Variants in SORCS1 observed in about 807,000 individuals in gnomAD.
SORCS1 encodes VPS10 domain-containing receptor SorCS1.
Under a neutral mutation model 146.1 loss-of-function variants are expected in SORCS1, and 60 were observed. The observed-to-expected ratio is 0.41, with a 90% CI of 0.33 to 0.51. The LOEUF (loss-of-function observed/expected upper bound fraction) is 0.51, where lower values mean the gene tolerates loss of function less well. SORCS1 is among the 20% of genes least tolerant of loss of function. The pLI is 0.21. For synonymous variants in SORCS1, 637 were observed against 584.0 expected, an observed-to-expected ratio of 1.09 and a Z score of -1.31; for missense variants, 1,352 against 1,487.6, an observed-to-expected ratio of 0.91 and a Z score of 1.50.
chr10:106,954,432 C>T (rs993893736), intron 2 of SORCS1, among the ~76,000 whole-genome samples: 2 of 152,130 alleles, frequency 1.3e-5, no homozygotes, highest in African/African-American at 4.8e-5. Context: ...AAAAATTATA[C>T]TTTTATTAAG....
At chr10:106,813,958 A>C (rs1359788260) in intron 3 of SORCS1, among the ~76,000 whole-genome samples, 1 of 152,220 alleles carries the variant, frequency 6.6e-6, no homozygotes, top group Non-Finnish European at 1.5e-5. Context: ...GTCTCAAAAC[A>C]AAAACAAAAG....
At chr10:106,989,328 T>C (rs1470946002) in intron 1 of SORCS1, among the ~76,000 whole-genome samples, 2 of 150,608 alleles carry the variant, frequency 1.3e-5, no homozygotes, top group Middle Eastern at 3.5e-3. Flanking sequence ...TAAAATTTCC[T>C]TCGAGGCTGT....
At position 106,618,137 on chromosome 10, in the gene SORCS1, A is replaced by G; in HGVS notation, c.2920+12T>C. On this transcript the variant is annotated intron_variant, in intron 21 of 25. Transcript: ENST00000263054. ...TGAAGACAGCAGTAGATCCACTGAG[A>G]TGGGCACTCACCATATACTGCGATG... 6.2e-7 allele frequency: 1 copy of G among 1,613,848 alleles called. No homozygotes were observed. The highest frequency in any genetic ancestry group is 8.5e-7 in the Non-Finnish European group (1 of 1,179,830).
chr10:107,055,579 G>C (rs1474225146), intron 1 of SORCS1, among the ~76,000 whole-genome samples: 1 of 152,234 alleles, frequency 6.6e-6, no homozygotes, highest in Admixed American at 6.5e-5. Context: ...GTGCTCTGCA[G>C]GATTTGAGCA....
intron 2 of SORCS1, among the ~76,000 whole-genome samples, chr10:106,935,254 T>C (rs1953652767): frequency 6.6e-6 from 1 of 152,160 alleles, no homozygotes; most frequent in South Asian, 2.1e-4. Flanking sequence ...GCCTAGAGGG[T>C]CCTTAAAATA....
intron 1 of SORCS1, among the ~76,000 whole-genome samples, chr10:107,059,206 A>C (rs1184773213): frequency 1.3e-5 from 2 of 152,204 alleles, no homozygotes; most frequent in East Asian, 3.8e-4. Flanking sequence ...CAGGCCAGCC[A>C]ACAAGCTCAA....
intron 1 of SORCS1, among the ~76,000 whole-genome samples, chr10:107,052,795 T>C (rs962307751): frequency 2.0e-5 from 3 of 152,098 alleles, no homozygotes; most frequent in African/African-American, 7.2e-5. Flanking sequence ...ATTTGTAAAT[T>C]ATATTCTAGT....
intron 1 of SORCS1, among the ~76,000 whole-genome samples, chr10:107,089,728 C>T (rs1192526447): frequency 6.6e-6 from 1 of 152,142 alleles, no homozygotes; most frequent in Non-Finnish European, 1.5e-5. Flanking sequence ...CAGGTTATTC[C>T]AGGTGTAAAA....
intron 3 of SORCS1, 37 bp from the exon 4 acceptor site, chr10:106,776,729 A>G: frequency 6.3e-7 from 1 of 1,588,284 alleles, no homozygotes; most frequent in Non-Finnish European, 8.6e-7. Flanking sequence ...AAACAACAGA[A>G]AATTAAGTTT....
At chr10:106,990,189 T>A (rs1589866093) in intron 1 of SORCS1, among the ~76,000 whole-genome samples, 1 of 152,168 alleles carries the variant, frequency 6.6e-6, no homozygotes, top group Non-Finnish European at 1.5e-5. Context: ...ACATATCTCA[T>A]CCAGTCAAGC....
chr10:106,820,150 A>G (rs909966284), intron 3 of SORCS1, among the ~76,000 whole-genome samples: 1 of 151,976 alleles, frequency 6.6e-6, no homozygotes, highest in African/African-American at 2.4e-5. Context: ...AAGCATGTTC[A>G]TTTCCTGGTG....
chr10:106,868,098 CAAAG>C (rs1232606881), intron 2 of SORCS1, among the ~76,000 whole-genome samples: 2 of 152,132 alleles, frequency 1.3e-5, no homozygotes, highest in African/African-American at 2.4e-5. Flanking sequence ...TCAAAAAAGA[CAAAG>C]AAGGGCATTA....
intron 1 of SORCS1, among the ~76,000 whole-genome samples, chr10:106,983,609 G>A (rs182777247): frequency 1.3e-5 from 2 of 152,102 alleles, no homozygotes; most frequent in African/African-American, 2.4e-5. Context: ...TTCACTATTA[G>A]AGGTCCCGTA....
chr10:106,768,785 G>C (rs1431330614), intron 4 of SORCS1, among the ~76,000 whole-genome samples: 1 of 152,154 alleles, frequency 6.6e-6, no homozygotes, highest in Admixed American at 6.5e-5. Context: ...CCACACCAGG[G>C]GTGCTTTCTT....
chr10:107,159,350 T>C (rs904941063), intron 1 of SORCS1, among the ~76,000 whole-genome samples: 5 of 152,212 alleles, frequency 3.3e-5, no homozygotes, highest in African/African-American at 4.8e-5. Flanking sequence ...TGACCTGTAA[T>C]GGATTTTAGT....
chr10:107,171,817 C>A, the SORCS1 span, among the ~76,000 whole-genome samples: 487 of 152,244 alleles, frequency 3.2e-3, 4 homozygotes, highest in African/African-American at 0.011. Context: ...CTTAATACAT[C>A]CCTTATTCAA....
chr10:106,762,967 C>T (rs1279141739), intron 4 of SORCS1, among the ~76,000 whole-genome samples: 6 of 152,000 alleles, frequency 3.9e-5, no homozygotes, highest in East Asian at 3.9e-4. Flanking sequence ...CGAGAGTATC[C>T]GCTTCTCTCT....
At chr10:106,654,854 A>ATT (rs374405891) in intron 17 of SORCS1, among the ~76,000 whole-genome samples, 2 of 145,556 alleles carry the variant, frequency 1.4e-5, no homozygotes, top group African/African-American at 2.5e-5. Flanking sequence ...ATTCCATCTG[A>ATT]TTTTTTTTTT....
chr10:107,127,982 T>G (rs1019216269), intron 1 of SORCS1, among the ~76,000 whole-genome samples: 3 of 152,232 alleles, frequency 2.0e-5, no homozygotes, highest in Non-Finnish European at 4.4e-5. Flanking sequence ...TTTCAGCTAT[T>G]TCACAGATAG....
Sources: gnomAD v4.1 joint callset for allele counts (sites outside exome capture counted in the v4.1 genomes callset) on GRCh38, gnomAD v4.1.1 for gene constraint, MANE v1.5 for transcripts, NCBI Gene and HGNC (gene_info 2026-07-23, HGNC 2026-07-21) for gene names.